Variants in FRMD4B observed in about 807,000 individuals in gnomAD.
FRMD4B encodes FERM domain-containing protein 4B.
Under a neutral mutation model 141.5 loss-of-function variants are expected in FRMD4B, and 74 were observed. The ratio of observed to expected loss-of-function variants is 0.52; its 90% CI spans 0.43 to 0.63. The LOEUF is 0.63. Ranked by LOEUF, FRMD4B falls within the 30% of genes least tolerant of loss-of-function variation. The pLI is 0.00. For missense variants in FRMD4B, 1,366 were observed against 1,253.4 expected, an observed-to-expected ratio of 1.09 and a Z score of -1.36; for synonymous variants, 506 against 467.9, an observed-to-expected ratio of 1.08 and a Z score of -1.05.
At chr3:69,224,746 A>G (rs1484119443) in intron 7 of FRMD4B, 56 bp from the exon 8 acceptor site, 8 of 806,462 alleles carry the variant, frequency 9.9e-6, no homozygotes, top group Non-Finnish European at 1.5e-5. Flanking sequence ...AAATTATGCA[A>G]GCCGGTCACC....
At chr3:69,265,349 G>A (rs2093555798) in intron 5 of FRMD4B, among the ~76,000 whole-genome samples, 1 of 137,400 alleles carries the variant, frequency 7.3e-6, no homozygotes, top group Admixed American at 7.6e-5. Flanking sequence ...GAGAAAACTA[G>A]CCAGACCATA....
chr3:69,525,439 C>A (rs1478483715), intron 1 of FRMD4B, among the ~76,000 whole-genome samples: 1 of 152,134 alleles, frequency 6.6e-6, no homozygotes, highest in Non-Finnish European at 1.5e-5. Flanking sequence ...AAAAGCACTG[C>A]AGGAAACAGG....
chr3:69,512,205 G>A (rs1290463512), intron 1 of FRMD4B, among the ~76,000 whole-genome samples: 5 of 152,164 alleles, frequency 3.3e-5, no homozygotes, highest in African/African-American at 9.7e-5. Flanking sequence ...GGCACTGCAC[G>A]GGGCTGGAGT....
In FRMD4B at chr3:69,257,686, G is replaced by T. The variant is rs1320149766; in HGVS notation, c.502-7587C>A. On this transcript the variant is annotated intron_variant, in intron 5 of 22. Coordinates refer to ENST00000398540, the MANE Select transcript of FRMD4B (RefSeq NM_015123.3). ...ATTGGCTTTTTTTTTTCTTGAGACA[G>T]AGTCTCTCTCTGTCACCCAGGCTGG... 1.6e-4 allele frequency among the ~76,000 whole-genome samples: 24 copies of T among 151,432 alleles called. 1 individual carries two copies. Among genetic ancestry groups the T allele is most frequent in the Non-Finnish European group, 2.9e-5 (2 of 67,924 alleles).
intron 4 of FRMD4B, among the ~76,000 whole-genome samples, chr3:69,301,532 G>T (rs1654732898): frequency 6.6e-6 from 1 of 152,076 alleles, no homozygotes; most frequent in Admixed American, 6.6e-5. Context: ...GTTTTGCCAT[G>T]TTGGCCAGGC....
chr3:69,311,174 G>C (rs1234345787), intron 3 of FRMD4B, 89 bp downstream of exon 3: 3 of 613,372 alleles, frequency 4.9e-6, no homozygotes, highest in Non-Finnish European at 8.9e-6. Flanking sequence ...AATGCTGGAG[G>C]ACTTATTTCC....
At chr3:69,285,570 C>A (rs1341499152) in intron 5 of FRMD4B, among the ~76,000 whole-genome samples, 2 of 152,074 alleles carry the variant, frequency 1.3e-5, no homozygotes, top group African/African-American at 4.8e-5. Context: ...AGGCCAGGCA[C>A]AGTGGCTCAT....
chr3:69,333,514 T>C (rs1702448273), intron 1 of FRMD4B, among the ~76,000 whole-genome samples: 1 of 152,218 alleles, frequency 6.6e-6, no homozygotes, highest in Non-Finnish European at 1.5e-5. Context: ...TTACAATGTC[T>C]CTGTGTGACA....
At chr3:69,173,532 G>A (rs1241260915) in intron 22 of FRMD4B, among the ~76,000 whole-genome samples, 1 of 151,972 alleles carries the variant, frequency 6.6e-6, no homozygotes, top group Non-Finnish European at 1.5e-5. Flanking sequence ...TAAAAATCAT[G>A]ATTTCATAAA....
intron 1 of FRMD4B, among the ~76,000 whole-genome samples, chr3:69,362,768 T>C (rs1471139476): frequency 6.6e-6 from 1 of 151,838 alleles, no homozygotes; most frequent in African/African-American, 2.4e-5. Context: ...ATCCCATACT[T>C]TTTAAAATAA....
chr3:69,455,973 A>T (rs1427726039), intron 1 of FRMD4B, among the ~76,000 whole-genome samples: 2 of 152,164 alleles, frequency 1.3e-5, no homozygotes, highest in Non-Finnish European at 2.9e-5. Flanking sequence ...ACTTGCCATC[A>T]GTTCCATTTT....
intron 1 of FRMD4B, among the ~76,000 whole-genome samples, chr3:69,494,737 C>T (rs1480392984): frequency 1.3e-5 from 2 of 152,062 alleles, no homozygotes; most frequent in Non-Finnish European, 2.9e-5. Flanking sequence ...ACTAAAAATA[C>T]AAAAGTTAGC....
intron 3 of FRMD4B, among the ~76,000 whole-genome samples, chr3:69,307,214 T>C (rs1335477528): frequency 6.6e-6 from 1 of 152,136 alleles, no homozygotes; most frequent in East Asian, 1.9e-4. Context: ...CCTCCTTTGG[T>C]TGAACCAAAG....
chr3:69,502,992 C>G (rs1435819517), intron 1 of FRMD4B, among the ~76,000 whole-genome samples: 3 of 152,208 alleles, frequency 2.0e-5, no homozygotes, highest in African/African-American at 7.2e-5. Flanking sequence ...GAGACAGCAT[C>G]TCATACCAGT....
intron 1 of FRMD4B, among the ~76,000 whole-genome samples, chr3:69,337,482 T>C (rs1351087328): frequency 6.6e-6 from 1 of 152,216 alleles, no homozygotes; most frequent in African/African-American, 2.4e-5. Context: ...AAAGACCTTC[T>C]TCACAGCAAA....
At position 69,465,273 on chromosome 3, in the gene FRMD4B, T is replaced by C. The variant is rs1273999244; in HGVS notation, c.-128-32512A>G. Among the ~76,000 whole-genome samples, 5 of 150,896 alleles carry C rather than the reference T, an allele frequency of 3.3e-5. No homozygotes were observed. The South Asian group carries it at 6.3e-4, about 19-fold the overall frequency. ...AGGCCCAGGTTGCAGTGAGCCGAGATTGCACCACTGCGCTCCAGCCTGGGT... is the reference window on the plus strand; with the variant it reads ...AGGCCCAGGTTGCAGTGAGCCGAGACTGCACCACTGCGCTCCAGCCTGGGT... On this transcript the variant is annotated intron_variant, in intron 1 of 5. Coordinates refer to the FRMD4B transcript ENST00000459638.
intron 1 of FRMD4B, among the ~76,000 whole-genome samples, chr3:69,379,466 G>A (rs1340405792): frequency 1.3e-5 from 2 of 152,036 alleles, no homozygotes; most frequent in Non-Finnish European, 1.5e-5. Flanking sequence ...TTTTGTACAG[G>A]TGGGGTTTCG....
intron 1 of FRMD4B, among the ~76,000 whole-genome samples, chr3:69,327,247 G>A (rs1702217157): frequency 6.6e-6 from 1 of 152,166 alleles, no homozygotes; most frequent in African/African-American, 2.4e-5. Context: ...ACAACCTGTA[G>A]GAAGGAGTAA....
chr3:69,482,953 A>G (rs1706154522), intron 1 of FRMD4B, among the ~76,000 whole-genome samples: 1 of 152,240 alleles, frequency 6.6e-6, no homozygotes, highest in Non-Finnish European at 1.5e-5. Flanking sequence ...ACACTCGGCT[A>G]GGCAGGAGGA....
Sources: allele counts gnomAD v4.1 joint callset (sites outside exome capture counted in the v4.1 genomes callset), GRCh38; gene constraint gnomAD v4.1.1; transcripts MANE v1.5; gene names NCBI Gene and HGNC (gene_info 2026-07-23, HGNC 2026-07-21).